Variants in CALB1 observed in about 807,000 individuals in gnomAD.
The protein encoded by CALB1 is calbindin 1.
In CALB1, 16 loss-of-function variants were observed where a neutral mutation model predicts 46.7. The observed-to-expected ratio is 0.34, with a 90% confidence interval of 0.23 to 0.52. The LOEUF (loss-of-function observed/expected upper bound fraction) is 0.52. CALB1 is among the 20% of genes least tolerant of loss of function. The pLI, the probability that CALB1 is intolerant of heterozygous loss-of-function variation, is 0.95. For synonymous variants in CALB1, 90 were observed against 112.8 expected, an observed-to-expected ratio of 0.80 and a Z score of 1.28; for missense variants, 224 against 300.3, an observed-to-expected ratio of 0.75 and a Z score of 1.88.
chr8:90,059,552 G>C lies in CALB1; in HGVS notation c.*621C>G, dbSNP rs1814257208. On this transcript the variant is annotated 3_prime_UTR_variant, in exon 11 of 11. Transcript: ENST00000265431. ...ATCAGACAGATTTATGTGTCATCTG[G>C]TGCTCCCTTCCCTTGTCACATCAAC... is the stretch of plus-strand genomic sequence containing the variant. The C allele has an allele frequency of 6.6e-6, 1 of 152,140 alleles. No individual in the cohort carries two copies. Among genetic ancestry groups the C allele is most frequent in the Non-Finnish European group, 1.5e-5 (1 of 68,032 alleles). 9.4% of individuals were successfully genotyped at this position (152,140 alleles called of 1,614,324 possible).
At chr8:90,073,002 A>AC (rs3831712) in intron 3 of CALB1, among the ~76,000 whole-genome samples, 117,095 of 151,896 alleles carry the variant, frequency 0.77, 45,687 homozygotes, top group African/African-American at 0.9. Flanking sequence ...AGGAAAAAAA[A>AC]CCAACAACTT....
chr8:90,069,651 G>A lies in CALB1; in HGVS notation c.232-414C>T, dbSNP rs1038900698. On this transcript the variant is annotated intron_variant, in intron 3 of 10. Coordinates refer to ENST00000265431, the MANE Select transcript of CALB1 (RefSeq NM_004929.4). ...CACATGTGGGGGCCATAAATTTCAT[G>A]TGAAGTGAAAGAAACCATGAGGAAC... Among the ~76,000 whole-genome samples the A allele has an allele frequency of 2.0e-5, 3 of 152,270 alleles. No individual in the cohort carries two copies. The South Asian group carries it at 6.2e-4, about 32-fold the overall frequency.
rs1180405809 is a variant in CALB1 at position 90,059,599 on chromosome 8, G to A, written c.*574C>T. ...CAACTTGAACCGATAGTTTTGTATG[G>A]ATCCAAGCAGTAGACATGCTGTTGA... On this transcript the variant is annotated 3_prime_UTR_variant, in exon 11 of 11. Coordinates refer to ENST00000265431, the MANE Select transcript of CALB1 (RefSeq NM_004929.4). 1 of 152,382 alleles carries A rather than the reference G, an allele frequency of 6.6e-6. No individual in the cohort carries two copies. The highest frequency in any genetic ancestry group is 2.4e-5 in the African/African-American group (1 of 41,424). The allele number at this position is 152,382 out of a possible 1,614,324, so 9.4% of individuals were successfully genotyped here.
At chr8:90,062,624 TA>T (rs1814324794) in intron 9 of CALB1, 1 of 151,846 alleles carries the variant, frequency 6.6e-6, no homozygotes, top group Admixed American at 6.6e-5. Flanking sequence ...AAATTAACAA[TA>T]AGATATCTCC....
rs920434974 is a variant in CALB1, at chr8:90,082,877, C to T, written c.-180G>A. ...CTCAGCGTTCCTCCAGAGTTCTCTC[C>T]CTACACCCCGCACCCAGTTCTCAGT... On this transcript the variant is annotated 5_prime_UTR_variant, in exon 1 of 11. Transcript: ENST00000265431. 1.6e-6 allele frequency: 1 copy of T among 619,420 alleles called. No homozygotes were observed. Among genetic ancestry groups the T allele is most frequent in the African/African-American group, 1.8e-5 (1 of 54,234 alleles). The allele number at this position is 619,420 out of a possible 1,614,324, so 38.4% of individuals were successfully genotyped here.
intron 6 of CALB1, 83 bp downstream of exon 6, chr8:90,065,815 A>T: frequency 2.4e-6 from 2 of 849,716 alleles, no homozygotes; most frequent in Non-Finnish European, 4.0e-6. Context: ...TATTTATTTC[A>T]TCCTGTGTAG....
intron 3 of CALB1, among the ~76,000 whole-genome samples, chr8:90,075,402 C>T (rs1814606208): frequency 6.6e-6 from 1 of 152,084 alleles, no homozygotes; most frequent in Non-Finnish European, 1.5e-5. Context: ...TAAGTAAATC[C>T]ATCTTCCTTT....
chr8:90,073,825 T>G lies in CALB1; in HGVS notation c.231+4548A>C, dbSNP rs559140086. On this transcript the variant is annotated intron_variant, in intron 3 of 10. Transcript: ENST00000265431. ...GAGGCAGATACTTTCAAACAACTTT[T>G]CCCCTGACAATTTCAAAGCAGGAGA... 4.6e-5 allele frequency among the ~76,000 whole-genome samples: 7 copies of G among 152,190 alleles called. No homozygotes were observed. In the South Asian group the frequency reaches 1.2e-3, roughly 27 times the overall value.
chr8:90,059,245 A>AATT lies in CALB1; in HGVS notation c.*925_*927dup. 6.5e-6 allele frequency: 1 copy of AATT among 152,768 alleles called. No homozygotes were observed. The highest frequency in any genetic ancestry group is 2.4e-5 in the African/African-American group (1 of 41,592). 9.5% of individuals were successfully genotyped at this position (152,768 alleles called of 1,614,324 possible). ...TGCTATGAATTTTACATTAAAATTT[A>AATT]ATTATGTAGTAAAAAATAGAGTTGT... On this transcript the variant is annotated 3_prime_UTR_variant, in exon 11 of 11. Transcript: ENST00000265431.
rs35368479 is a variant in CALB1, at chr8:90,070,837, AGTGTGTGTGTGTGTGTGTGT to A, written c.232-1620_232-1601del. Among the ~76,000 whole-genome samples the A allele has an allele frequency of 1.4e-4, 17 of 121,748 alleles. 1 individual carries two copies. The South Asian group carries it at 2.7e-3, about 20-fold the overall frequency. 79.9% of individuals were successfully genotyped at this position (121,748 alleles called of 152,430 possible). A position where few individuals can be genotyped will look rare whatever the true frequency, so the allele number is the denominator to read the frequency against. The stretch of plus-strand genomic sequence containing the variant: ...TACATAAACACATTTGCATCATTGC[AGTGTGTGTGTGTGTGTGTGT>A]GTGTGTGTGTGTGTGTGTGTGTGTG... On this transcript the variant is annotated intron_variant, in intron 3 of 10. Coordinates refer to ENST00000265431, the MANE Select transcript of CALB1 (RefSeq NM_004929.4).
chr8:90,064,823 C>T (rs1814362410), intron 6 of CALB1, among the ~76,000 whole-genome samples: 1 of 151,780 alleles, frequency 6.6e-6, no homozygotes, highest in African/African-American at 2.4e-5. Flanking sequence ...CTTAGCCCCA[C>T]CTTATAATAA....
intron 3 of CALB1, among the ~76,000 whole-genome samples, chr8:90,071,669 A>T (rs982075375): frequency 1.3e-5 from 2 of 152,200 alleles, no homozygotes; most frequent in African/African-American, 4.8e-5. Flanking sequence ...TATCAGAGGC[A>T]GACATTTTGA....
chr8:90,082,189 C>A, intron 1 of CALB1, 87 bp from the exon 2 acceptor site: 1 of 1,192,708 alleles, frequency 8.4e-7, no homozygotes, highest in Non-Finnish European at 1.2e-6. Flanking sequence ...ATCTTTCTGG[C>A]GACCCGAGAG....
At chr8:90,061,482 C>G (rs187576431) in intron 9 of CALB1, 56 of 152,108 alleles carry the variant, frequency 3.7e-4, no homozygotes, top group African/African-American at 1.3e-3. Context: ...AGAGAAAACC[C>G]TAAAGACCTC....
intron 5 of CALB1, among the ~76,000 whole-genome samples, chr8:90,067,431 A>G (rs1814421617): frequency 6.6e-6 from 1 of 152,162 alleles, no homozygotes; most frequent in Non-Finnish European, 1.5e-5. Flanking sequence ...ATTATGAACT[A>G]AAAAGGATCT....
Position 90,081,943 on chromosome 8 carries a change from C to A in CALB1, c.156+83G>T, listed in dbSNP as rs1026371116. ...TACATTACCCAGAAAGCGCTTTACG[C>A]TACTGGCTTTTTGTGAAAACACAAG... On this transcript the variant is annotated intron_variant, in intron 2 of 10. Coordinates refer to ENST00000265431, the MANE Select transcript of CALB1 (RefSeq NM_004929.4). 5 of 1,254,932 alleles carry A rather than the reference C, an allele frequency of 4.0e-6. 1 individual carries two copies. The African/African-American group carries it at 4.5e-5, about 11-fold the overall frequency. 77.7% of individuals were successfully genotyped at this position (1,254,932 alleles called of 1,614,324 possible).
At chr8:90,075,554 GC>G (rs1190571013) in intron 3 of CALB1, among the ~76,000 whole-genome samples, 2 of 152,060 alleles carry the variant, frequency 1.3e-5, no homozygotes, top group African/African-American at 4.8e-5. Flanking sequence ...GGATTTCTAA[GC>G]AAGTGATATA....
At chr8:90,069,530 C>A (rs959560757) in intron 3 of CALB1, among the ~76,000 whole-genome samples, 4 of 152,180 alleles carry the variant, frequency 2.6e-5, no homozygotes, top group African/African-American at 9.7e-5. Flanking sequence ...GACATTCAGG[C>A]AGATTCATCC....
chr8:90,073,670 T>C (rs1360336022), intron 3 of CALB1, among the ~76,000 whole-genome samples: 1 of 152,200 alleles, frequency 6.6e-6, no homozygotes, highest in African/African-American at 2.4e-5. Flanking sequence ...CTCTTTTATT[T>C]CTAGCGTAAT....
Sources: allele counts gnomAD v4.1 joint callset (sites outside exome capture counted in the v4.1 genomes callset), GRCh38; gene constraint gnomAD v4.1.1; transcripts MANE v1.5; gene names NCBI Gene and HGNC (gene_info 2026-07-23, HGNC 2026-07-21).